The following BICD2 variants were observed in gnomAD, a reference collection of about 807,000 sequenced individuals.
The protein encoded by BICD2 is protein bicaudal D homolog 2.
A neutral mutation model predicts 72.9 loss-of-function variants in BICD2; 25 were observed. The observed-to-expected ratio is 0.34, with a 90% CI of 0.25 to 0.48. The LOEUF is 0.48. BICD2 is among the 20% of genes least tolerant of loss of function. The probability of loss-of-function intolerance (pLI) is 0.99; values close to 1 mark genes in which losing one functional copy is unlikely to be tolerated. For synonymous variants in BICD2, 501 were observed against 516.1 expected (o/e 0.97, Z 0.40); for missense variants, 894 against 1,175.2 (o/e 0.76, Z 3.50).
In BICD2 at chr9:92,764,490, G is replaced by C; in HGVS notation, c.240+15C>G. ...GCGCCGGGCGGGGGTCGCAGGGCAG[G>C]GCGGCTCGGCTCACCTCCTTGAGCT... On this transcript the variant is annotated intron_variant, in intron 1 of 6. Coordinates refer to ENST00000356884, the MANE Select transcript of BICD2 (RefSeq NM_001003800.2). The surrounding 1 kb of genome is among the most constrained non-coding windows in gnomAD (Gnocchi z 5.5). 1 of 1,500,318 alleles carries C rather than the reference G, an allele frequency of 6.7e-7. No individual in the cohort carries two copies. Among genetic ancestry groups the C allele is most frequent in the Non-Finnish European group, 8.9e-7 (1 of 1,120,984 alleles). 92.9% of individuals were successfully genotyped at this position (1,500,318 alleles called of 1,614,324 possible).
Position 92,720,860 on chromosome 9 carries a change from A to C in BICD2, c.607-105T>G, listed in dbSNP as rs1372350122. On this transcript the variant is annotated intron_variant, in intron 3 of 6. Coordinates refer to ENST00000356884, the MANE Select transcript of BICD2 (RefSeq NM_001003800.2). This position sits in a 1 kb window ranked among gnomAD's most constrained non-coding sequence, Gnocchi z 5.4. ...AGCACACCAACTCCGGCCACTATGA[A>C]GCAAAAGATGAAGCGCCAGGTGAGG... The C allele has an allele frequency of 4.0e-6, 5 of 1,247,404 alleles. No individual in the cohort carries two copies. The African/African-American group carries it at 7.6e-5, about 19-fold the overall frequency. The allele number at this position is 1,247,404 out of a possible 1,614,324, so 77.3% of individuals were successfully genotyped here.
chr9:92,756,145 T>TG (rs1390460331), intron 1 of BICD2, among the ~76,000 whole-genome samples: 2 of 152,012 alleles, frequency 1.3e-5, no homozygotes, highest in East Asian at 3.9e-4. Flanking sequence ...TCACCTCAGG[T>TG]GGGCAGAGCT....
intron 1 of BICD2, among the ~76,000 whole-genome samples, chr9:92,763,060 T>C (rs560110430): frequency 1.3e-5 from 2 of 152,250 alleles, no homozygotes; most frequent in East Asian, 1.9e-4. Flanking sequence ...GGAGCATGCA[T>C]TGCAGAAGGT....
At chr9:92,762,086 A>G (rs1468044122) in intron 1 of BICD2, among the ~76,000 whole-genome samples, 1 of 152,230 alleles carries the variant, frequency 6.6e-6, no homozygotes, top group Admixed American at 6.5e-5. Flanking sequence ...TGCAGGGCAG[A>G]AGTACAAGCA....
At chr9:92,722,921 G>T in intron 2 of BICD2, 113 bp from the exon 3 acceptor site, 1 of 1,319,000 alleles carries the variant, frequency 7.6e-7, no homozygotes. Flanking sequence ...AAGAGCCCTG[G>T]CCTGCAGGTG....
chr9:92,722,944 C>T, intron 2 of BICD2, 136 bp from the exon 3 acceptor site: 1 of 1,087,496 alleles, frequency 9.2e-7, no homozygotes, highest in South Asian at 1.5e-5. Context: ...AGTGTGACTG[C>T]CTGGAGAGGA....
At chr9:92,735,752 A>C (rs1252882973) in intron 1 of BICD2, among the ~76,000 whole-genome samples, 1 of 152,144 alleles carries the variant, frequency 6.6e-6, no homozygotes, top group Non-Finnish European at 1.5e-5. Flanking sequence ...AGCATGGCAG[A>C]AACAGTAATG....
At chr9:92,717,654 G>T in intron 6 of BICD2, 143 bp downstream of exon 6, 1 of 1,112,242 alleles carries the variant, frequency 9.0e-7, no homozygotes, top group Non-Finnish European at 1.2e-6. Context: ...TACCATGCTG[G>T]CCCTGATGGA....
intron 1 of BICD2, among the ~76,000 whole-genome samples, chr9:92,741,833 G>A (rs1230759863): frequency 3.9e-5 from 6 of 152,186 alleles, no homozygotes; most frequent in African/African-American, 1.4e-4. Flanking sequence ...TGCAGGTGAT[G>A]ATTTTGTCTA....
intron 1 of BICD2, among the ~76,000 whole-genome samples, chr9:92,762,492 T>C (rs1305140404): frequency 6.6e-6 from 1 of 152,078 alleles, no homozygotes; most frequent in Non-Finnish European, 1.5e-5. Flanking sequence ...CAGTAATTTG[T>C]CCAAGGCCAT....
In BICD2 at chr9:92,720,488, G is replaced by T; in HGVS notation, c.874C>A (p.Pro292Thr). The change falls in exon 4 of 7, where the codon CCC becomes ACC. Residue 292 changes from proline (P) to threonine (T), a missense_variant. By Grantham distance (38) the Pro-to-Thr change is conservative (BLOSUM62 -1). This residue lies in a region of BICD2 where 371 missense variants were observed against 439.1 expected (regional missense o/e 0.84). Transcript: ENST00000356884. The surrounding 1 kb of genome is among the most constrained non-coding windows in gnomAD (Gnocchi z 5.4). ...ACCAGGGCCTCGGCATCGTTGTTGG[G>T]CTCGGCAGCATCGTCACTGAACTTG... ...GLKFSDDAAEPNNDAEALVNG... is the reference protein window; with the variant it reads ...GLKFSDDAAETNNDAEALVNG... 6.2e-7 allele frequency: 1 copy of T among 1,614,242 alleles called. No individual in the cohort carries two copies. Among genetic ancestry groups the T allele is most frequent in the Non-Finnish European group, 8.5e-7 (1 of 1,180,038 alleles).
chr9:92,722,848 A>T, intron 2 of BICD2, 40 bp from the exon 3 acceptor site: 1 of 1,612,730 alleles, frequency 6.2e-7, no homozygotes, highest in Admixed American at 1.7e-5. Flanking sequence ...AGCAGCCTCC[A>T]CAGGGCACGA....
Position 92,720,209 on chromosome 9 carries a change from A to G in BICD2, c.1062+91T>C. Reference sequence around the variant, plus strand: ...ATCAACGTAAGGAAAAGGGAAAGTTAACATCAGCAGAGTGTCAGGTAAGCA... The same window carrying G: ...ATCAACGTAAGGAAAAGGGAAAGTTGACATCAGCAGAGTGTCAGGTAAGCA... On this transcript the variant is annotated intron_variant, in intron 4 of 6. Coordinates refer to ENST00000356884, the MANE Select transcript of BICD2 (RefSeq NM_001003800.2). This position sits in a 1 kb window ranked among gnomAD's most constrained non-coding sequence, Gnocchi z 5.4. The G allele has an allele frequency of 8.0e-7, 1 of 1,257,332 alleles. No individual in the cohort carries two copies. The highest frequency in any genetic ancestry group is 1.1e-6 in the Non-Finnish European group (1 of 922,812). 77.9% of individuals were successfully genotyped at this position (1,257,332 alleles called of 1,614,324 possible). A position where few individuals can be genotyped will look rare whatever the true frequency, so the allele number is the denominator to read the frequency against.
At position 92,714,590 on chromosome 9, in the gene BICD2, T is replaced by C. The variant is rs1853263199; in HGVS notation, c.*564A>G. ...TCTTCTCTGGGCTTGGGGAAGAAAT[T>C]CTGCACTTCTTTCCTGAATATGATT... On this transcript the variant is annotated 3_prime_UTR_variant, in exon 7 of 7. Coordinates refer to ENST00000356884, the MANE Select transcript of BICD2 (RefSeq NM_001003800.2). 2 of 985,606 alleles carry C rather than the reference T, an allele frequency of 2.0e-6. No individual in the cohort carries two copies. The highest frequency in any genetic ancestry group is 2.4e-6 in the Non-Finnish European group (2 of 830,060). 61.1% of individuals were successfully genotyped at this position (985,606 alleles called of 1,614,324 possible). A position where few individuals can be genotyped will look rare whatever the true frequency, so the allele number is the denominator to read the frequency against.
At chr9:92,739,085 A>C (rs896557541) in intron 1 of BICD2, among the ~76,000 whole-genome samples, 1 of 152,130 alleles carries the variant, frequency 6.6e-6, no homozygotes, top group Non-Finnish European at 1.5e-5. Context: ...ACCACCTGCT[A>C]AGGTGGAGAC....
chr9:92,733,206 G>A (rs1199916618), intron 1 of BICD2, among the ~76,000 whole-genome samples: 1 of 152,198 alleles, frequency 6.6e-6, no homozygotes, highest in Non-Finnish European at 1.5e-5. Context: ...ATGGTCAATT[G>A]ATTTTTGGCA....
At chr9:92,729,713 C>T (rs1853641703) in intron 1 of BICD2, among the ~76,000 whole-genome samples, 1 of 152,234 alleles carries the variant, frequency 6.6e-6, no homozygotes, top group Admixed American at 6.5e-5. Flanking sequence ...CTGGGCTGAG[C>T]AGTCAGAGCC....
chr9:92,764,816 C>A lies in BICD2; in HGVS notation c.-72G>T. 2 of 1,098,138 alleles carry A rather than the reference C, an allele frequency of 1.8e-6. No homozygotes were observed. Among genetic ancestry groups the A allele is most frequent in the South Asian group, 5.7e-5 (2 of 34,908 alleles). The allele number at this position is 1,098,138 out of a possible 1,614,324, so 68.0% of individuals were successfully genotyped here. On this transcript the variant is annotated 5_prime_UTR_variant, in exon 1 of 7. Transcript: ENST00000356884. This position sits in a 1 kb window ranked among gnomAD's most constrained non-coding sequence, Gnocchi z 5.5. ...GGCCCTCCTCAGCCGCCGCCGCTGC[C>A]GCCGCCGCCGCCGCCCTGCCCCGAC...
At chr9:92,751,187 G>T (rs1415402697) in intron 1 of BICD2, among the ~76,000 whole-genome samples, 1 of 150,656 alleles carries the variant, frequency 6.6e-6, no homozygotes, top group African/African-American at 2.4e-5. Flanking sequence ...GTCTTACTCT[G>T]TCCCCCAGGT....
Sources: allele counts gnomAD v4.1 joint callset (sites outside exome capture counted in the v4.1 genomes callset), GRCh38; gene constraint gnomAD v4.1.1; regional missense constraint gnomAD v4.1.1; non-coding constraint Gnocchi (gnomAD v3.1); transcripts MANE v1.5; gene names NCBI Gene and HGNC (gene_info 2026-07-23, HGNC 2026-07-21).